Variants in BMPR1A observed in about 807,000 individuals in gnomAD.
The protein encoded by BMPR1A is bone morphogenetic protein receptor type 1A.
Under a neutral mutation model 66.0 loss-of-function variants are expected in BMPR1A, and 7 were observed. The observed-to-expected ratio is 0.11, with a 90% confidence interval of 0.06 to 0.20. The LOEUF is 0.20. Ranked by LOEUF, BMPR1A falls within the 10% of genes least tolerant of loss-of-function variation. BMPR1A has a pLI of 1.00. For missense variants in BMPR1A, 408 were observed against 669.1 expected, an observed-to-expected ratio of 0.61 and a Z score of 4.31; for synonymous variants, 200 against 229.7, an observed-to-expected ratio of 0.87 and a Z score of 1.17.
intron 11 of BMPR1A, among the ~76,000 whole-genome samples, chr10:86,923,109 G>C (rs1333657990): frequency 1.3e-5 from 2 of 152,142 alleles, no homozygotes; most frequent in Non-Finnish European, 2.9e-5. Context: ...ATTTCGCCTT[G>C]CTTATTTTTT....
At chr10:86,825,147 A>G (rs1320956358) in intron 1 of BMPR1A, among the ~76,000 whole-genome samples, 1 of 146,844 alleles carries the variant, frequency 6.8e-6, no homozygotes, top group Non-Finnish European at 1.5e-5. Context: ...TCTGTTTCCT[A>G]GGCTGGAGTG....
rs1295512900 is a variant in BMPR1A at position 86,900,182 on chromosome 10, G to A, written c.530+56G>A. On this transcript the variant is annotated intron_variant, in intron 7 of 12. Transcript: ENST00000372037. ...TTTTGTCAAATATTAGATGTCAACC[G>A]CTGTTTGTAAAGCCAGTTGCAGAAA... is the stretch of plus-strand genomic sequence containing the variant. 5 of 1,545,178 alleles carry A rather than the reference G, an allele frequency of 3.2e-6. No individual in the cohort carries two copies. In the African/African-American group the frequency reaches 4.1e-5, roughly 13 times the overall value.
At chr10:86,920,224 A>G (rs1019924864) in intron 10 of BMPR1A, among the ~76,000 whole-genome samples, 1 of 152,198 alleles carries the variant, frequency 6.6e-6, no homozygotes, top group African/African-American at 2.4e-5. Flanking sequence ...ATGGATTCCT[A>G]GAGAAGGGCC....
intron 1 of BMPR1A, among the ~76,000 whole-genome samples, chr10:86,767,197 A>T (rs1431208363): frequency 2.0e-5 from 3 of 152,178 alleles, no homozygotes; most frequent in Non-Finnish European, 4.4e-5. Context: ...TTGCTGTTGT[A>T]TGAATATTAA....
intron 2 of BMPR1A, among the ~76,000 whole-genome samples, chr10:86,870,171 T>TA (rs892681934): frequency 2.6e-4 from 40 of 152,296 alleles, no homozygotes; most frequent in Admixed American, 5.9e-4. Flanking sequence ...AGCTGAATAT[T>TA]ACCGTTCTTT....
intron 2 of BMPR1A, among the ~76,000 whole-genome samples, chr10:86,847,935 C>CTT (rs757764095): frequency 1.4e-5 from 2 of 142,788 alleles, no homozygotes; most frequent in Non-Finnish European, 3.1e-5. Context: ...GAAAATGATA[C>CTT]TTTTTTTTTT....
At chr10:86,845,166 G>C (rs1842467074) in intron 2 of BMPR1A, among the ~76,000 whole-genome samples, 1 of 152,196 alleles carries the variant, frequency 6.6e-6, no homozygotes, top group African/African-American at 2.4e-5. Context: ...CTGAGAAAAA[G>C]ACTTACTGGC....
chr10:86,844,517 A>G (rs1365829848), intron 2 of BMPR1A, among the ~76,000 whole-genome samples: 5 of 152,234 alleles, frequency 3.3e-5, no homozygotes, highest in African/African-American at 4.8e-5. Flanking sequence ...AATATTGTAC[A>G]GTAAGGCAGT....
rs147744147 is a variant in BMPR1A at position 86,841,021 on chromosome 10, T to C, written c.-153+2042T>C. 4.4e-4 allele frequency among the ~76,000 whole-genome samples: 67 copies of C among 152,336 alleles called. No homozygotes were observed. The East Asian group carries it at 0.011, about 24-fold the overall frequency. On this transcript the variant is annotated intron_variant, in intron 2 of 12. Transcript: ENST00000372037. ...CAGCTTAAATTATCTTAAGAGATAA[T>C]TTTGCTTGTATTGTCGGTGACACTT...
At chr10:86,801,972 C>G (rs1442748801) in intron 1 of BMPR1A, among the ~76,000 whole-genome samples, 1 of 152,010 alleles carries the variant, frequency 6.6e-6, no homozygotes, top group Admixed American at 6.5e-5. Context: ...CCTCCGCCTT[C>G]CAAAGTGCTG....
intron 5 of BMPR1A, among the ~76,000 whole-genome samples, chr10:86,896,452 A>G (rs1019291872): frequency 6.6e-6 from 1 of 152,222 alleles, no homozygotes; most frequent in Non-Finnish European, 1.5e-5. Flanking sequence ...TATAGGAAAT[A>G]AAAGAATTTT....
chr10:86,868,001 G>C (rs1251642279), intron 2 of BMPR1A, among the ~76,000 whole-genome samples: 1 of 152,200 alleles, frequency 6.6e-6, no homozygotes, highest in Non-Finnish European at 1.5e-5. Context: ...AGTAATTTCA[G>C]GGGTGGCGAT....
rs587778111 is a variant in BMPR1A, at chr10:86,919,256, A to G, written c.953A>G (p.Tyr318Cys). ...GATTACCATGAAAATGGATCTCTCT[A>G]TGACTTCCTGAAATGTGCTACACTG... ...ITDYHENGSLYDFLKCATLDT... is the reference protein window; with the variant it reads ...ITDYHENGSLCDFLKCATLDT... Residue 318 changes from tyrosine to cysteine, a missense_variant, in exon 10 of 13, where the codon TAT (tyrosine) becomes TGT (cysteine). Tyr to Cys is a radical substitution (Grantham distance 194). This residue lies in a region of BMPR1A where 23 missense variants were observed against 17.2 expected (regional missense o/e 1.34). Transcript: ENST00000372037. 1.8e-5 allele frequency: 29 copies of G among 1,613,818 alleles called. No homozygotes were observed. Among genetic ancestry groups the G allele is most frequent in the Admixed American group, 1.2e-4 (7 of 59,996 alleles).
intron 1 of BMPR1A, among the ~76,000 whole-genome samples, chr10:86,794,679 T>A (rs1841678793): frequency 6.6e-6 from 1 of 152,128 alleles, no homozygotes; most frequent in African/African-American, 2.4e-5. Flanking sequence ...TTTTTAGGTT[T>A]CTATTCCTTT....
At chr10:86,764,455 A>G (rs1281018850) in intron 1 of BMPR1A, among the ~76,000 whole-genome samples, 1 of 152,170 alleles carries the variant, frequency 6.6e-6, no homozygotes, top group East Asian at 1.9e-4. Context: ...CTTTTATTTA[A>G]TAAAAATGTG....
At chr10:86,791,158 A>G (rs1260631664) in intron 1 of BMPR1A, among the ~76,000 whole-genome samples, 2 of 152,154 alleles carry the variant, frequency 1.3e-5, no homozygotes, top group Non-Finnish European at 2.9e-5. Context: ...GACCCAACTG[A>G]CAGAATTCCT....
intron 5 of BMPR1A, 117 bp from the exon 6 acceptor site, chr10:86,899,677 A>G: frequency 9.7e-7 from 1 of 1,031,594 alleles, no homozygotes; most frequent in Non-Finnish European, 1.4e-6. Flanking sequence ...TTTTACATAT[A>G]AAATTTGCAG....
intron 1 of BMPR1A, among the ~76,000 whole-genome samples, chr10:86,767,101 C>T (rs762437256): frequency 1.3e-5 from 2 of 152,130 alleles, no homozygotes; most frequent in African/African-American, 2.4e-5. Context: ...GGATTACAGG[C>T]GTGAGGCACC....
At chr10:86,881,577 G>A (rs1842986260) in intron 3 of BMPR1A, among the ~76,000 whole-genome samples, 3 of 152,170 alleles carry the variant, frequency 2.0e-5, no homozygotes, top group Admixed American at 6.5e-5. Flanking sequence ...AGACACATGT[G>A]ACTTGTGGCT....
Sources: allele counts gnomAD v4.1 joint callset (sites outside exome capture counted in the v4.1 genomes callset), GRCh38; gene constraint gnomAD v4.1.1; regional missense constraint gnomAD v4.1.1; transcripts MANE v1.5; gene names NCBI Gene and HGNC (gene_info 2026-07-23, HGNC 2026-07-21).